Variants in CATSPERB observed in about 807,000 individuals in gnomAD.
CATSPERB encodes the protein cation channel sperm-associated auxiliary subunit beta.
In CATSPERB, 93 loss-of-function variants were observed where a neutral mutation model predicts 128.3. The observed-to-expected ratio is 0.72, with a 90% CI of 0.61 to 0.86. The LOEUF (loss-of-function observed/expected upper bound fraction) is 0.86. Ranked by LOEUF, CATSPERB falls within the 40% of genes least tolerant of loss-of-function variation. The pLI, the probability that CATSPERB is intolerant of heterozygous loss-of-function variation, is 0.00. For missense variants in CATSPERB, 1,153 were observed against 1,329.5 expected, an observed-to-expected ratio of 0.87 and a Z score of 2.06; for synonymous variants, 381 against 448.8, an observed-to-expected ratio of 0.85 and a Z score of 1.91.
chr14:91,698,449 G>A (rs1176569528), intron 7 of CATSPERB, among the ~76,000 whole-genome samples: 3 of 152,110 alleles, frequency 2.0e-5, no homozygotes, highest in South Asian at 2.1e-4. Flanking sequence ...AGAGGTGAGA[G>A]TGAGCATCCT....
At chr14:91,627,294 A>G (rs1004278336) in intron 17 of CATSPERB, among the ~76,000 whole-genome samples, 1 of 152,240 alleles carries the variant, frequency 6.6e-6, no homozygotes, top group African/African-American at 2.4e-5. Context: ...TATTTTCAAA[A>G]GACATATAAA....
intron 17 of CATSPERB, among the ~76,000 whole-genome samples, chr14:91,630,328 C>T (rs1384011292): frequency 1.3e-5 from 2 of 152,148 alleles, no homozygotes; most frequent in African/African-American, 2.4e-5. Flanking sequence ...TACATACACC[C>T]TCCTCTGCAG....
In CATSPERB at chr14:91,641,135, A is replaced by G. The variant is rs1345357786; in HGVS notation, c.1433-1885T>C. ...GAGTTCATTGTAGATTCTGGATATT[A>G]GCCCTTTGTCAGATGAGTAGGTTGT... On this transcript the variant is annotated intron_variant, in intron 15 of 26. Transcript: ENST00000256343. Among the ~76,000 whole-genome samples the G allele has an allele frequency of 3.5e-5, 5 of 143,698 alleles. No individual in the cohort carries two copies. The South Asian group carries it at 9.7e-4, about 28-fold the overall frequency. 94.3% of individuals were successfully genotyped at this position (143,698 alleles called of 152,430 possible).
chr14:91,693,045 A>G (rs1204366798), intron 9 of CATSPERB, 81 bp downstream of exon 9: 2 of 991,966 alleles, frequency 2.0e-6, no homozygotes, highest in Non-Finnish European at 3.1e-6. Flanking sequence ...TACACCACAC[A>G]TAACTCAAGT....
In CATSPERB at chr14:91,580,807, G is replaced by C; in HGVS notation, c.*82C>G. The C allele has an allele frequency of 9.9e-7, 1 of 1,012,838 alleles. No individual in the cohort carries two copies. Among genetic ancestry groups the C allele is most frequent in the Non-Finnish European group, 1.5e-6 (1 of 673,340 alleles). The allele number at this position is 1,012,838 out of a possible 1,614,324, so 62.7% of individuals were successfully genotyped here. On this transcript the variant is annotated 3_prime_UTR_variant, in exon 27 of 27. Transcript: ENST00000256343. ...AATTCTTTAGGATTTTATGTAGCTT[G>C]CATATTTAACATTTAAATATATTGT...
rs746356829 is a variant in CATSPERB, at chr14:91,621,654, C to T, written c.2214G>A (p.Leu738=). ...PSLNIVKYID[L]GNSYVLKAKV... ...TAGCTTTTAAAACATAAGAGTTTCC[C>T]AGATCAATGTATTTCACGATGTTGA... The change falls in exon 19 of 27, where the codon CTG becomes CTA. Residue 738 remains leucine, a synonymous_variant. Coordinates refer to ENST00000256343, the MANE Select transcript of CATSPERB (RefSeq NM_024764.4). The T allele has an allele frequency of 1.6e-5, 25 of 1,612,116 alleles. No individual in the cohort carries two copies. The highest frequency in any genetic ancestry group is 2.0e-5 in the Non-Finnish European group (23 of 1,178,804).
At chr14:91,601,254 TC>T (rs1893603378) in intron 22 of CATSPERB, among the ~76,000 whole-genome samples, 1 of 152,254 alleles carries the variant, frequency 6.6e-6, no homozygotes, top group African/African-American at 2.4e-5. Context: ...TTGAAAGTGA[TC>T]TTTTTCCTGA....
At chr14:91,582,031 A>G (rs1893214839) in intron 26 of CATSPERB, among the ~76,000 whole-genome samples, 2 of 152,276 alleles carry the variant, frequency 1.3e-5, no homozygotes, top group South Asian at 4.1e-4. Flanking sequence ...CCTCCATGCT[A>G]TACATTCTCT....
intron 22 of CATSPERB, among the ~76,000 whole-genome samples, chr14:91,594,404 C>A (rs1341897751): frequency 1.3e-5 from 2 of 151,748 alleles, no homozygotes; most frequent in Non-Finnish European, 2.9e-5. Flanking sequence ...GTGCAGCACA[C>A]CAACATGGCA....
At chr14:91,584,063 C>CT (rs946866206) in intron 26 of CATSPERB, among the ~76,000 whole-genome samples, 7 of 151,576 alleles carry the variant, frequency 4.6e-5, no homozygotes, top group African/African-American at 1.2e-4. Flanking sequence ...AGGGTACTTT[C>CT]TTTTTTTTCC....
intron 15 of CATSPERB, among the ~76,000 whole-genome samples, chr14:91,653,148 A>C (rs1894736825): frequency 6.6e-6 from 1 of 152,220 alleles, no homozygotes. Flanking sequence ...ATCGTATCAG[A>C]GACTGAAGAT....
chr14:91,611,087 G>T (rs891270260), intron 20 of CATSPERB, among the ~76,000 whole-genome samples: 6 of 152,006 alleles, frequency 3.9e-5, no homozygotes, highest in Non-Finnish European at 7.4e-5. Flanking sequence ...CAAGTCAGTG[G>T]TATTTTGTTG....
chr14:91,656,164 G>T (rs1894783981), intron 15 of CATSPERB, among the ~76,000 whole-genome samples: 1 of 152,006 alleles, frequency 6.6e-6, no homozygotes, highest in Non-Finnish European at 1.5e-5. Context: ...CACCAGACCT[G>T]CCATATAAGA....
rs749670100 is a variant in CATSPERB at position 91,636,519 on chromosome 14, T to C, written c.1648A>G (p.Ile550Val). 9 of 1,614,020 alleles carry C rather than the reference T, an allele frequency of 5.6e-6. No individual in the cohort carries two copies. Among genetic ancestry groups the C allele is most frequent in the Non-Finnish European group, 7.6e-6 (9 of 1,179,986 alleles). Residue 550 changes from isoleucine to valine, a missense_variant, in exon 17 of 27, where the codon ATC becomes GTC. Ile to Val is a conservative substitution (Grantham distance 29, BLOSUM62 3). Coordinates refer to ENST00000256343, the MANE Select transcript of CATSPERB (RefSeq NM_024764.4). The part of the protein sequence containing the change: ...APQHTSLDEI[I>V]FFAYVPENEP... ...TTCTCAGGTACATATGCAAAAAAGA[T>C]AATTTCATCTAAGGAGGTGTGCTGT...
chr14:91,712,742 G>A (rs1022743372), intron 5 of CATSPERB, among the ~76,000 whole-genome samples: 8 of 152,234 alleles, frequency 5.3e-5, no homozygotes, highest in South Asian at 4.1e-4. Context: ...GGAACAAGGC[G>A]GGAACCAACC....
At chr14:91,663,665 A>T (rs1473078034) in intron 14 of CATSPERB, among the ~76,000 whole-genome samples, 1 of 151,752 alleles carries the variant, frequency 6.6e-6, no homozygotes, top group Non-Finnish European at 1.5e-5. Flanking sequence ...AAAAAAAAAA[A>T]AATTAATTCA....
intron 22 of CATSPERB, among the ~76,000 whole-genome samples, chr14:91,599,128 C>T (rs1229801324): frequency 6.6e-6 from 1 of 152,074 alleles, no homozygotes; most frequent in Non-Finnish European, 1.5e-5. Context: ...TTGGTTTGAT[C>T]CATAAAGTTA....
Position 91,725,128 on chromosome 14 carries a change from G to A in CATSPERB, c.120C>T (p.Phe40=). 6.3e-7 allele frequency: 1 copy of A among 1,580,032 alleles called. No homozygotes were observed. The highest frequency in any genetic ancestry group is 8.6e-7 in the Non-Finnish European group (1 of 1,164,848). ...EKRFACSNKG[F]PQENEIIKLY... is the part of the protein sequence containing the mutation. ...ACTTGATTATTTCATTCTCTTGAGGGAACCCTTTGTTAGAACATGCAAAGC... is the reference window on the plus strand; with the variant it reads ...ACTTGATTATTTCATTCTCTTGAGGAAACCCTTTGTTAGAACATGCAAAGC... The change falls in exon 3 of 27, where the codon TTC becomes TTT. Residue 40 remains phenylalanine, a synonymous_variant. Coordinates refer to ENST00000256343, the MANE Select transcript of CATSPERB (RefSeq NM_024764.4).
chr14:91,696,584 TA>T (rs1168433961), intron 7 of CATSPERB, among the ~76,000 whole-genome samples: 7 of 151,850 alleles, frequency 4.6e-5, no homozygotes, highest in Admixed American at 2.6e-4. Flanking sequence ...TGGCCTTAAA[TA>T]TTTTTTTTTT....
Sources: allele counts gnomAD v4.1 joint callset (sites outside exome capture counted in the v4.1 genomes callset), GRCh38; gene constraint gnomAD v4.1.1; transcripts MANE v1.5; gene names NCBI Gene and HGNC (gene_info 2026-07-23, HGNC 2026-07-21).